The following GRID1 variants were observed in gnomAD, a reference collection of about 807,000 sequenced individuals.
GRID1 encodes the protein glutamate ionotropic receptor delta type subunit 1, also known as glutamate receptor ionotropic, delta-1.
A neutral mutation model predicts 98.0 loss-of-function variants in GRID1; 28 were observed. The ratio of observed to expected loss-of-function variants is 0.29; its 90% CI spans 0.21 to 0.39. GRID1 has a LOEUF of 0.39. GRID1 is among the 10% of genes least tolerant of loss of function. The pLI is 1.00. For missense variants in GRID1, 1,111 were observed against 1,340.5 expected (o/e 0.83, Z 2.67); for synonymous variants, 553 against 538.5 (o/e 1.03, Z -0.37).
At chr10:85,977,065 A>T (rs1309734143) in intron 4 of GRID1, among the ~76,000 whole-genome samples, 1 of 152,220 alleles carries the variant, frequency 6.6e-6, no homozygotes, top group Non-Finnish European at 1.5e-5. Context: ...AAACCTGTGT[A>T]GGAGCCAGGG....
At chr10:85,763,636 G>A (rs1420945826) in intron 8 of GRID1, among the ~76,000 whole-genome samples, 1 of 152,202 alleles carries the variant, frequency 6.6e-6, no homozygotes, top group African/African-American at 2.4e-5. Flanking sequence ...ACTGGAAATG[G>A]ACAGCACAAA....
At chr10:86,036,004 G>A (rs1408326638) in intron 4 of GRID1, among the ~76,000 whole-genome samples, 1 of 152,106 alleles carries the variant, frequency 6.6e-6, no homozygotes, top group Non-Finnish European at 1.5e-5. Context: ...CAAAAGGCAG[G>A]GCTGTGAGGG....
intron 3 of GRID1, among the ~76,000 whole-genome samples, chr10:86,198,950 A>G (rs900345784): frequency 6.6e-6 from 1 of 152,152 alleles, no homozygotes; most frequent in African/African-American, 2.4e-5. Context: ...CTCAGAAATT[A>G]CCCTATAGAT....
At chr10:86,001,815 A>T (rs967191404) in intron 4 of GRID1, among the ~76,000 whole-genome samples, 6 of 152,280 alleles carry the variant, frequency 3.9e-5, no homozygotes, top group South Asian at 4.1e-4. Context: ...CCTGAAAAAA[A>T]AGAAACATGT....
At chr10:86,154,077 A>T (rs973476740) in intron 3 of GRID1, among the ~76,000 whole-genome samples, 16 of 152,252 alleles carry the variant, frequency 1.1e-4, no homozygotes, top group Admixed American at 2.0e-4. Context: ...GCTCCGAGGA[A>T]GGTGCAGACA....
rs1310039271 is a variant in GRID1, at chr10:85,839,402, T to A, written c.1233+15094A>T. Among the ~76,000 whole-genome samples, 4 of 152,122 alleles carry A rather than the reference T, an allele frequency of 2.6e-5. 1 individual carries two copies. The highest frequency in any genetic ancestry group is 9.7e-5 in the African/African-American group (4 of 41,414). On this transcript the variant is annotated intron_variant, in intron 8 of 15. Transcript: ENST00000327946. Reference sequence around the variant, plus strand: ...CACATAATCCAAAGTAAAACACTCATCAGCCAATGCAAAAGAACCAAAATT... The same window carrying A: ...CACATAATCCAAAGTAAAACACTCAACAGCCAATGCAAAAGAACCAAAATT...
chr10:85,923,395 T>A (rs1003440885), intron 4 of GRID1, among the ~76,000 whole-genome samples: 4 of 152,114 alleles, frequency 2.6e-5, no homozygotes, highest in Non-Finnish European at 4.4e-5. Context: ...TGGGGGAGGC[T>A]GAGAGGGCTG....
intron 12 of GRID1, among the ~76,000 whole-genome samples, chr10:85,651,506 G>A (rs1223926300): frequency 2.6e-5 from 4 of 152,172 alleles, no homozygotes; most frequent in African/African-American, 9.7e-5. Context: ...TCAGCCCCCA[G>A]TCTACTGCCT....
chr10:86,223,163 C>A (rs1427079056), intron 2 of GRID1, among the ~76,000 whole-genome samples: 1 of 152,156 alleles, frequency 6.6e-6, no homozygotes, highest in Non-Finnish European at 1.5e-5. Context: ...CCCTAAGGGC[C>A]TTTTTCTGCA....
At chr10:86,266,018 C>G (rs1433379659) in intron 2 of GRID1, among the ~76,000 whole-genome samples, 2 of 152,080 alleles carry the variant, frequency 1.3e-5, no homozygotes, top group East Asian at 3.9e-4. Flanking sequence ...CCAGTGACCC[C>G]TCTCAGAGGC....
At chr10:86,070,197 G>A (rs1274437248) in intron 4 of GRID1, among the ~76,000 whole-genome samples, 1 of 152,186 alleles carries the variant, frequency 6.6e-6, no homozygotes, top group Non-Finnish European at 1.5e-5. Context: ...AAGCGTTTCT[G>A]GAATTAAATT....
chr10:86,072,903 G>A (rs1230471427), intron 4 of GRID1, among the ~76,000 whole-genome samples: 1 of 152,210 alleles, frequency 6.6e-6, no homozygotes, highest in Non-Finnish European at 1.5e-5. Flanking sequence ...GAGATGAAAT[G>A]CTTTTTAATT....
At chr10:85,717,950 T>C (rs1051931790) in intron 12 of GRID1, among the ~76,000 whole-genome samples, 1 of 149,414 alleles carries the variant, frequency 6.7e-6, no homozygotes, top group Admixed American at 6.7e-5. Flanking sequence ...GATCTTTGAC[T>C]CCAGGTCTCA....
At chr10:85,821,516 C>CAAAAAAAAAAAAAAA (rs1157209045) in intron 8 of GRID1, among the ~76,000 whole-genome samples, 6 of 9,112 alleles carry the variant, frequency 6.6e-4, no homozygotes, top group Non-Finnish European at 1.4e-3. Context: ...GACTTCATCT[C>CAAAAAAAAAAAAAAA]AAAAAAAAAA....
At chr10:86,113,219 T>A (rs1465082188) in intron 4 of GRID1, among the ~76,000 whole-genome samples, 1 of 152,110 alleles carries the variant, frequency 6.6e-6, no homozygotes, top group Admixed American at 6.5e-5. Flanking sequence ...TGACTTCCCA[T>A]CACACTTAAA....
chr10:85,954,274 C>T (rs1338338287), intron 4 of GRID1, among the ~76,000 whole-genome samples: 2 of 152,142 alleles, frequency 1.3e-5, no homozygotes, highest in African/African-American at 4.8e-5. Context: ...TGAAATCTAA[C>T]AGAAAGAGGT....
intron 4 of GRID1, among the ~76,000 whole-genome samples, chr10:86,015,612 C>T (rs956172557): frequency 6.6e-6 from 1 of 152,248 alleles, no homozygotes; most frequent in African/African-American, 2.4e-5. Flanking sequence ...CGTTCAGCAA[C>T]AGCCCTACTG....
At chr10:85,817,129 G>GTCTT (rs1842723067) in intron 8 of GRID1, among the ~76,000 whole-genome samples, 1 of 152,120 alleles carries the variant, frequency 6.6e-6, no homozygotes, top group Non-Finnish European at 1.5e-5. Context: ...TTGATTCCAT[G>GTCTT]TCTTTGCTAT....
intron 10 of GRID1, 74 bp downstream of exon 10, chr10:85,727,781 A>G: frequency 1.8e-6 from 2 of 1,137,834 alleles, no homozygotes; most frequent in African/African-American, 1.5e-5. Flanking sequence ...CCACTGTGCA[A>G]TTGGTCAAGT....
Sources: gnomAD v4.1 joint callset for allele counts (sites outside exome capture counted in the v4.1 genomes callset) on GRCh38, gnomAD v4.1.1 for gene constraint, MANE v1.5 for transcripts, NCBI Gene and HGNC (gene_info 2026-07-23, HGNC 2026-07-21) for gene names.